Variants in CELF4 observed in about 807,000 individuals in gnomAD.
CELF4 encodes CUG-BP- and ETR-3-like factor 4.
A neutral mutation model predicts 59.9 loss-of-function variants in CELF4; 18 were observed. The observed-to-expected ratio is 0.30, with a 90% CI of 0.21 to 0.45. CELF4 has a LOEUF of 0.45. Among genes scored for constraint, CELF4 ranks in the 20% least tolerant of loss-of-function variants. The pLI, the probability that CELF4 is intolerant of heterozygous loss-of-function variation, is 1.00. For synonymous variants in CELF4, 261 were observed against 267.1 expected (o/e 0.98, Z 0.22); for missense variants, 456 against 689.0 (o/e 0.66, Z 3.79).
intron 2 of CELF4, among the ~76,000 whole-genome samples, chr18:37,327,658 G>A (rs773963757): frequency 7.2e-5 from 11 of 152,154 alleles, no homozygotes; most frequent in Non-Finnish European, 1.3e-4. Context: ...AAAAAGCCAG[G>A]GGGGAGCGGG....
intron 3 of CELF4, among the ~76,000 whole-genome samples, chr18:37,300,847 T>C (rs2095982575): frequency 6.6e-6 from 1 of 152,134 alleles, no homozygotes; most frequent in African/African-American, 2.4e-5. Context: ...AGCAGTGGCA[T>C]CTGGGGGTGC....
intron 3 of CELF4, among the ~76,000 whole-genome samples, chr18:37,283,284 G>A (rs1455214795): frequency 1.3e-5 from 2 of 151,992 alleles, no homozygotes; most frequent in East Asian, 3.9e-4. Context: ...CCAAGCCCCT[G>A]CTGTCTGCTC....
intron 1 of CELF4, among the ~76,000 whole-genome samples, chr18:37,551,999 C>T (rs1402899750): frequency 6.6e-6 from 1 of 152,232 alleles, no homozygotes; most frequent in African/African-American, 2.4e-5. Context: ...AACTCCCCGA[C>T]TTGTCAGCTC....
At chr18:37,286,989 C>T (rs542631298) in intron 3 of CELF4, among the ~76,000 whole-genome samples, 25 of 152,218 alleles carry the variant, frequency 1.6e-4, no homozygotes, top group Admixed American at 9.1e-4. Flanking sequence ...GTAGCACCAG[C>T]GGCTGCCCCT....
chr18:37,445,578 A>G (rs932562531), intron 2 of CELF4, among the ~76,000 whole-genome samples: 2 of 151,804 alleles, frequency 1.3e-5, no homozygotes, highest in African/African-American at 4.8e-5. Flanking sequence ...TAAGCAGAGG[A>G]GGGGGGAGCA....
intron 1 of CELF4, among the ~76,000 whole-genome samples, chr18:37,507,714 C>G (rs559909209): frequency 2.0e-5 from 3 of 152,352 alleles, no homozygotes; most frequent in Admixed American, 2.0e-4. Context: ...CCCTACTTCA[C>G]TGTTTTCACA....
At chr18:37,435,551 A>C (rs1286921534) in intron 2 of CELF4, among the ~76,000 whole-genome samples, 1 of 152,164 alleles carries the variant, frequency 6.6e-6, no homozygotes, top group East Asian at 1.9e-4. Flanking sequence ...GCAGACTGAG[A>C]CAACTGCCAG....
intron 2 of CELF4, among the ~76,000 whole-genome samples, chr18:37,335,337 A>G (rs2097727965): frequency 6.6e-6 from 1 of 151,926 alleles, no homozygotes; most frequent in Non-Finnish European, 1.5e-5. Flanking sequence ...GCTGGAGTGT[A>G]TGGTGAGGGG....
intron 1 of CELF4, among the ~76,000 whole-genome samples, chr18:37,493,911 G>T (rs2099921830): frequency 6.6e-6 from 1 of 152,184 alleles, no homozygotes; most frequent in African/African-American, 2.4e-5. Flanking sequence ...TCCTCTGTGT[G>T]GTATGGGAAA....
chr18:37,482,120 G>C (rs2099869206), intron 2 of CELF4, among the ~76,000 whole-genome samples: 4 of 152,228 alleles, frequency 2.6e-5, no homozygotes, highest in Admixed American at 2.6e-4. Flanking sequence ...GTGTGTGTGT[G>C]TGGCTTCCAT....
intron 7 of CELF4, 101 bp downstream of exon 7, chr18:37,272,915 T>G: frequency 8.2e-7 from 1 of 1,216,776 alleles, no homozygotes; most frequent in Non-Finnish European, 1.2e-6. Context: ...ACTATGTGCT[T>G]TTGCCACAGA....
intron 1 of CELF4, among the ~76,000 whole-genome samples, chr18:37,505,978 CG>C: frequency 3.1e-5 from 1 of 32,236 alleles, no homozygotes; most frequent in Non-Finnish European, 1.3e-4. Context: ...CCTTGATCTG[CG>C]GGCAAGTTGC....
chr18:37,274,225 G>A, intron 6 of CELF4, 86 bp downstream of exon 6: 8 of 1,581,598 alleles, frequency 5.1e-6, no homozygotes, highest in Non-Finnish European at 6.0e-6. Flanking sequence ...AAGGGATAGA[G>A]TAGTATTTTC....
rs148897525 is a variant in CELF4 at position 37,498,579 on chromosome 18, T to A, written c.287-12972A>T. On this transcript the variant is annotated intron_variant, in intron 1 of 12. Coordinates refer to ENST00000420428, the MANE Select transcript of CELF4 (RefSeq NM_020180.4). The stretch of plus-strand genomic sequence containing the variant: ...TGTTTTGTCTCATGACTAGCACCTA[T>A]ATTATCTCTTGTCCACCTATTTAAT... 2.5e-3 allele frequency among the ~76,000 whole-genome samples: 386 copies of A among 151,816 alleles called. 1 individual carries two copies. The highest frequency in any genetic ancestry group is 8.8e-3 in the African/African-American group (364 of 41,412).
At chr18:37,345,653 T>A (rs1355134951) in intron 2 of CELF4, among the ~76,000 whole-genome samples, 2 of 152,002 alleles carry the variant, frequency 1.3e-5, no homozygotes, top group Non-Finnish European at 2.9e-5. Context: ...GCTGAAGGCC[T>A]GGGAGGCTCT....
At chr18:37,345,897 C>T (rs926025810) in intron 2 of CELF4, among the ~76,000 whole-genome samples, 5 of 152,284 alleles carry the variant, frequency 3.3e-5, no homozygotes, top group African/African-American at 1.2e-4. Flanking sequence ...GCTGAGGTGG[C>T]TGAATGGGCT....
intron 3 of CELF4, among the ~76,000 whole-genome samples, chr18:37,303,618 G>C (rs552862737): frequency 6.6e-6 from 1 of 152,118 alleles, no homozygotes. Flanking sequence ...GAGGCAACAC[G>C]TCCTCCTTTT....
At chr18:37,302,964 G>T (rs984754617) in intron 3 of CELF4, among the ~76,000 whole-genome samples, 17 of 152,144 alleles carry the variant, frequency 1.1e-4, no homozygotes, top group African/African-American at 3.4e-4. Flanking sequence ...AGAGGAGAGT[G>T]GGAAGGGGGC....
chr18:37,401,184 G>C (rs1042258262), intron 2 of CELF4, among the ~76,000 whole-genome samples: 1 of 152,200 alleles, frequency 6.6e-6, no homozygotes, highest in Non-Finnish European at 1.5e-5. Flanking sequence ...GATGGTTGTA[G>C]GTAGGTCTTC....
Sources: gnomAD v4.1 joint callset for allele counts (sites outside exome capture counted in the v4.1 genomes callset) on GRCh38, gnomAD v4.1.1 for gene constraint, MANE v1.5 for transcripts, NCBI Gene and HGNC (gene_info 2026-07-23, HGNC 2026-07-21) for gene names.